Variants in NBEA observed in about 807,000 individuals in gnomAD.
NBEA encodes the protein lysosomal-trafficking regulator 2.
In NBEA, 44 loss-of-function variants were observed where a neutral mutation model predicts 343.4. That is an observed-to-expected ratio of 0.13 (90% CI 0.10 to 0.16). The LOEUF (loss-of-function observed/expected upper bound fraction) is 0.16. Among genes scored for constraint, NBEA ranks in the 10% least tolerant of loss-of-function variants. The probability of loss-of-function intolerance (pLI) is 1.00; values close to 1 mark genes in which losing one functional copy is unlikely to be tolerated. For synonymous variants in NBEA, 1,175 were observed against 1,238.7 expected (o/e 0.95, Z 1.08); for missense variants, 2,555 against 3,631.3 (o/e 0.70, Z 7.62).
chr13:35,278,067 A>G (rs1033985066), intron 34 of NBEA, among the ~76,000 whole-genome samples: 1 of 150,416 alleles, frequency 6.6e-6, no homozygotes, highest in African/African-American at 2.4e-5. Context: ...AGCCTGTGCA[A>G]CAAGAGCAAA....
chr13:35,661,286 G>C (rs1475616274), intron 55 of NBEA, among the ~76,000 whole-genome samples: 1 of 152,186 alleles, frequency 6.6e-6, no homozygotes, highest in African/African-American at 2.4e-5. Flanking sequence ...TTAGGTGAGC[G>C]TAGGACAGTA....
At chr13:35,561,324 A>G (rs2079847236) in intron 44 of NBEA, among the ~76,000 whole-genome samples, 1 of 152,150 alleles carries the variant, frequency 6.6e-6, no homozygotes, top group Non-Finnish European at 1.5e-5. Flanking sequence ...GGGATTCTTT[A>G]AACGTCTTGG....
chr13:35,119,380 G>T (rs1479583300), intron 16 of NBEA, among the ~76,000 whole-genome samples: 1 of 151,964 alleles, frequency 6.6e-6, no homozygotes, highest in Non-Finnish European at 1.5e-5. Flanking sequence ...GCTTTTTTAA[G>T]TGCCTTTTTT....
At chr13:35,224,048 A>G (rs1289367034) in intron 33 of NBEA, among the ~76,000 whole-genome samples, 1 of 152,116 alleles carries the variant, frequency 6.6e-6, no homozygotes, top group African/African-American at 2.4e-5. Context: ...GGCCTCCTAC[A>G]TTCGGCATTA....
At chr13:35,162,014 T>C (rs745786410) in intron 23 of NBEA, 47 bp downstream of exon 23, 7 of 1,449,168 alleles carry the variant, frequency 4.8e-6, no homozygotes, top group South Asian at 1.3e-5. Flanking sequence ...ATTTAAAATA[T>C]GCCATTGCCT....
intron 34 of NBEA, among the ~76,000 whole-genome samples, chr13:35,238,253 T>C (rs1265771697): frequency 6.6e-6 from 1 of 152,204 alleles, no homozygotes; most frequent in African/African-American, 2.4e-5. Context: ...TTAGTTATGA[T>C]GCGGATATAG....
chr13:35,217,315 G>A (rs1482290689), intron 33 of NBEA, among the ~76,000 whole-genome samples: 3 of 151,708 alleles, frequency 2.0e-5, no homozygotes, highest in African/African-American at 7.3e-5. Flanking sequence ...TATCTTAGAC[G>A]TGCTCCCTGT....
In NBEA at chr13:35,472,543, T is replaced by TA. The variant is rs2075698636; in HGVS notation, c.6585+10dup. ...CAAGAAGATCGACACGAAAGTGAGT[T>TA]AAAGCGATTCCATGTACAGTATTGG... On this transcript the variant is annotated splice_region_variant and intron_variant, in intron 41 of 58. Coordinates refer to ENST00000379939, the MANE Select transcript of NBEA (RefSeq NM_001385012.1). 1 of 1,614,034 alleles carries TA rather than the reference T, an allele frequency of 6.2e-7. No individual in the cohort carries two copies. The highest frequency in any genetic ancestry group is 1.3e-5 in the African/African-American group (1 of 75,054).
In NBEA at chr13:35,159,884, C is replaced by G; in HGVS notation, c.3713C>G (p.Thr1238Ser). The change falls in exon 22 of 59, where the codon ACT (threonine) becomes AGT (serine). Residue 1238 changes from threonine (T) to serine (S), a missense_variant. Around this residue, in one of 21 missense-constraint regions of NBEA, gnomAD observed 367 missense variants for 377.5 expected, o/e 0.97. Transcript: ENST00000379939. ...STKGLEYAEM[T>S]ATTLETESSS... is the part of the protein sequence containing the mutation. ...AAGGGGCTGGAGTATGCTGAAATGACTGCTACAACTCTGGAAACTGAGTCT... is the reference window on the plus strand; with the variant it reads ...AAGGGGCTGGAGTATGCTGAAATGAGTGCTACAACTCTGGAAACTGAGTCT... 2 of 1,601,678 alleles carry G rather than the reference C, an allele frequency of 1.2e-6. No homozygotes were observed. The highest frequency in any genetic ancestry group is 1.7e-6 in the Non-Finnish European group (2 of 1,173,460).
intron 27 of NBEA, among the ~76,000 whole-genome samples, chr13:35,175,396 T>C (rs2070815919): frequency 6.6e-6 from 1 of 152,216 alleles, no homozygotes; most frequent in Non-Finnish European, 1.5e-5. Flanking sequence ...TAATATATTG[T>C]CGTGAAACGA....
intron 1 of NBEA, among the ~76,000 whole-genome samples, chr13:35,015,162 C>T (rs954637993): frequency 9.0e-6 from 1 of 111,442 alleles, no homozygotes; most frequent in African/African-American, 3.4e-5. Context: ...AAAAACCACA[C>T]ACAAAGCAGG....
chr13:35,302,675 T>G (rs1454200403), intron 35 of NBEA, among the ~76,000 whole-genome samples: 2 of 152,150 alleles, frequency 1.3e-5, no homozygotes, highest in Admixed American at 6.5e-5. Flanking sequence ...AATATAAAAT[T>G]TAAACATTTT....
At chr13:35,194,699 C>G (rs1336255795) in intron 30 of NBEA, among the ~76,000 whole-genome samples, 1 of 151,998 alleles carries the variant, frequency 6.6e-6, no homozygotes, top group East Asian at 1.9e-4. Flanking sequence ...ATGAGATACA[C>G]TTTTCAAGGT....
At chr13:34,954,247 A>G (rs752635072) in intron 1 of NBEA, among the ~76,000 whole-genome samples, 3 of 152,146 alleles carry the variant, frequency 2.0e-5, no homozygotes, top group Non-Finnish European at 2.9e-5. Context: ...TGGTAACCAC[A>G]GGGGGCCCTG....
At chr13:35,332,971 A>G (rs992723807) in intron 36 of NBEA, among the ~76,000 whole-genome samples, 1 of 152,102 alleles carries the variant, frequency 6.6e-6, no homozygotes, top group Non-Finnish European at 1.5e-5. Context: ...GTAACATGTC[A>G]TTGGGATTTT....
At chr13:35,119,423 TC>T (rs1394970511) in intron 16 of NBEA, among the ~76,000 whole-genome samples, 1 of 152,152 alleles carries the variant, frequency 6.6e-6, no homozygotes, top group Non-Finnish European at 1.5e-5. Context: ...ATAACAACTT[TC>T]TAGACTTGAA....
chr13:35,127,890 C>T (rs2067210839), intron 17 of NBEA, among the ~76,000 whole-genome samples: 1 of 151,182 alleles, frequency 6.6e-6, no homozygotes, highest in Admixed American at 6.6e-5. Flanking sequence ...ATATCTAAGA[C>T]CAGTCTTACT....
chr13:35,225,372 T>A (rs995173499), intron 33 of NBEA, among the ~76,000 whole-genome samples: 2 of 152,146 alleles, frequency 1.3e-5, no homozygotes, highest in Non-Finnish European at 2.9e-5. Flanking sequence ...CCTCCTACTG[T>A]GCCCCAAAAG....
chr13:35,526,355 A>G (rs985180927), intron 41 of NBEA, among the ~76,000 whole-genome samples: 6 of 152,254 alleles, frequency 3.9e-5, no homozygotes, highest in African/African-American at 1.4e-4. Context: ...AAACATTAAA[A>G]AAATACAAGT....
Sources: allele counts gnomAD v4.1 joint callset (sites outside exome capture counted in the v4.1 genomes callset), GRCh38; gene constraint gnomAD v4.1.1; regional missense constraint gnomAD v4.1.1; transcripts MANE v1.5; gene names NCBI Gene and HGNC (gene_info 2026-07-23, HGNC 2026-07-21).